The following PAPPA2 variants were observed in gnomAD, a reference collection of about 807,000 sequenced individuals.
The protein encoded by PAPPA2 is pappalysin-2.
In PAPPA2, 86 loss-of-function variants were observed where a neutral mutation model predicts 176.4. The observed-to-expected ratio is 0.49, with a 90% CI of 0.41 to 0.58. The LOEUF is 0.58. Among genes scored for constraint, PAPPA2 ranks in the 20% least tolerant of loss-of-function variants. The pLI, the probability that PAPPA2 is intolerant of heterozygous loss-of-function variation, is 0.00. For missense variants in PAPPA2, 2,073 were observed against 2,256.9 expected (o/e 0.92, Z 1.65); for synonymous variants, 809 against 852.2 (o/e 0.95, Z 0.88).
intron 12 of PAPPA2, among the ~76,000 whole-genome samples, chr1:176,738,144 A>T (rs938967236): frequency 6.6e-6 from 1 of 152,112 alleles, no homozygotes; most frequent in African/African-American, 2.4e-5. Flanking sequence ...GGTGTGTTTC[A>T]TGTCTAGCCC....
At chr1:176,831,650 TAGAGA>T (rs1017500003) in intron 21 of PAPPA2, among the ~76,000 whole-genome samples, 2 of 152,014 alleles carry the variant, frequency 1.3e-5, no homozygotes, top group African/African-American at 4.8e-5. Context: ...TGCAGTGAGG[TAGAGA>T]GTTTGTGTGA....
At position 176,603,954 on chromosome 1, in the gene PAPPA2, G is replaced by C. The variant is rs1323085604; in HGVS notation, c.1991+8359G>C. Among the ~76,000 whole-genome samples, 7 of 152,284 alleles carry C rather than the reference G, an allele frequency of 4.6e-5. No homozygotes were observed. The East Asian group carries it at 1.2e-3, about 25-fold the overall frequency. ...GAATCAAAGCCAACAGCATGACTCT[G>C]ATCTATAGGGTCATATAGCATCAGT... On this transcript the variant is annotated intron_variant, in intron 3 of 22. Coordinates refer to ENST00000367662, the MANE Select transcript of PAPPA2 (RefSeq NM_020318.3).
intron 12 of PAPPA2, among the ~76,000 whole-genome samples, chr1:176,729,402 A>T (rs1233933010): frequency 6.6e-6 from 1 of 152,012 alleles, no homozygotes; most frequent in Non-Finnish European, 1.5e-5. Flanking sequence ...TAACCATATA[A>T]ACATAGCTAG....
intron 17 of PAPPA2, among the ~76,000 whole-genome samples, chr1:176,774,259 T>C (rs537100276): frequency 6.6e-6 from 1 of 152,140 alleles, no homozygotes; most frequent in African/African-American, 2.4e-5. Context: ...TCAGTTACCA[T>C]CTGCGTGCTG....
intron 10 of PAPPA2, among the ~76,000 whole-genome samples, chr1:176,708,439 T>C (rs1164334704): frequency 6.6e-6 from 1 of 151,968 alleles, no homozygotes; most frequent in Non-Finnish European, 1.5e-5. Flanking sequence ...ACAAAAATTT[T>C]AAGTCCGTGC....
chr1:176,835,054 T>TAGGTTTAC (rs1667220900), intron 21 of PAPPA2, among the ~76,000 whole-genome samples: 1 of 152,188 alleles, frequency 6.6e-6, no homozygotes, highest in South Asian at 2.1e-4. Flanking sequence ...GTTAGATTGC[T>TAGGTTTAC]AGGTTTACTT....
At chr1:176,740,904 G>A (rs1662649535) in intron 14 of PAPPA2, among the ~76,000 whole-genome samples, 1 of 152,112 alleles carries the variant, frequency 6.6e-6, no homozygotes, top group Non-Finnish European at 1.5e-5. Flanking sequence ...TCCTCAGCAA[G>A]GGAGGTGAGA....
chr1:176,806,905 T>A (rs1260665390), intron 21 of PAPPA2, among the ~76,000 whole-genome samples: 1 of 152,206 alleles, frequency 6.6e-6, no homozygotes, highest in Non-Finnish European at 1.5e-5. Flanking sequence ...ACAGCCTTCT[T>A]CTTGGTTAGC....
chr1:176,820,324 A>G (rs1356312024), intron 21 of PAPPA2, among the ~76,000 whole-genome samples: 3 of 152,106 alleles, frequency 2.0e-5, no homozygotes, highest in African/African-American at 7.2e-5. Context: ...AAAGATTCAA[A>G]TGGGTCAGGA....
intron 1 of PAPPA2, among the ~76,000 whole-genome samples, chr1:176,545,560 G>A (rs1278548389): frequency 6.6e-6 from 1 of 151,972 alleles, no homozygotes; most frequent in Non-Finnish European, 1.5e-5. Context: ...ATTGATTTAG[G>A]TATTGTAAGT....
chr1:176,768,999 A>G (rs1023454222), intron 15 of PAPPA2, among the ~76,000 whole-genome samples: 2 of 152,214 alleles, frequency 1.3e-5, no homozygotes, highest in Non-Finnish European at 2.9e-5. Context: ...TGCAGGCAGG[A>G]TATAGGAAAA....
chr1:176,610,575 C>T (rs1654861028), intron 3 of PAPPA2, among the ~76,000 whole-genome samples: 2 of 152,086 alleles, frequency 1.3e-5, no homozygotes, highest in Non-Finnish European at 1.5e-5. Flanking sequence ...GAAGGAGATG[C>T]TCCCCCTAGA....
At chr1:176,525,895 G>T (rs1649472702) in intron 1 of PAPPA2, among the ~76,000 whole-genome samples, 3 of 152,136 alleles carry the variant, frequency 2.0e-5, no homozygotes, top group Admixed American at 6.5e-5. Flanking sequence ...TTGGAATTTT[G>T]AACCAGTTCT....
intron 11 of PAPPA2, 148 bp downstream of exon 11, chr1:176,710,324 T>C: frequency 2.8e-6 from 2 of 714,306 alleles, no homozygotes; most frequent in Non-Finnish European, 4.5e-6. Context: ...TCTGCCAGCA[T>C]TGCTATTACA....
At chr1:176,708,815 A>G (rs1197560481) in intron 10 of PAPPA2, among the ~76,000 whole-genome samples, 2 of 152,148 alleles carry the variant, frequency 1.3e-5, no homozygotes, top group Non-Finnish European at 2.9e-5. Context: ...TATTGCTGTG[A>G]AGAATTGAAC....
chr1:176,702,753 G>T lies in PAPPA2; in HGVS notation c.3365+18G>T. 1 of 1,546,710 alleles carries T rather than the reference G, an allele frequency of 6.5e-7. No homozygotes were observed. Among genetic ancestry groups the T allele is most frequent in the Non-Finnish European group, 8.8e-7 (1 of 1,138,444 alleles). On this transcript the variant is annotated intron_variant, in intron 9 of 22. Coordinates refer to ENST00000367662, the MANE Select transcript of PAPPA2 (RefSeq NM_020318.3). Reference sequence around the variant, plus strand: ...GTGTCAGAGTGAGTATTTTGTGTGTGTGTGTGTGTGTGTGTGTGTGTGTGA... The same window carrying T: ...GTGTCAGAGTGAGTATTTTGTGTGTTTGTGTGTGTGTGTGTGTGTGTGTGA...
intron 3 of PAPPA2, among the ~76,000 whole-genome samples, chr1:176,639,885 T>A (rs942961586): frequency 6.6e-6 from 1 of 151,764 alleles, no homozygotes; most frequent in African/African-American, 2.4e-5. Flanking sequence ...ATTTAATCAG[T>A]GTAGCAATTA....
At chr1:176,748,669 T>C (rs1048149903) in intron 14 of PAPPA2, among the ~76,000 whole-genome samples, 3 of 152,238 alleles carry the variant, frequency 2.0e-5, no homozygotes, top group African/African-American at 7.2e-5. Context: ...TATATAATAA[T>C]GATTTCATAA....
intron 20 of PAPPA2, among the ~76,000 whole-genome samples, chr1:176,799,182 G>C (rs79199358): frequency 0.052 from 7,912 of 152,242 alleles, 251 homozygotes; most frequent in South Asian, 0.16. Flanking sequence ...AGGCTATGGA[G>C]AGAACCTTCT....
Sources: gnomAD v4.1 joint callset for allele counts (sites outside exome capture counted in the v4.1 genomes callset) on GRCh38, gnomAD v4.1.1 for gene constraint, MANE v1.5 for transcripts, NCBI Gene and HGNC (gene_info 2026-07-23, HGNC 2026-07-21) for gene names.